Variants in AKIRIN2 observed in about 807,000 individuals in gnomAD.
AKIRIN2 encodes the protein akirin-2.
In AKIRIN2, 6 loss-of-function variants were observed where a neutral mutation model predicts 29.3. The ratio of observed to expected loss-of-function variants is 0.20; its 90% CI spans 0.11 to 0.40. AKIRIN2 has a LOEUF of 0.40. Among genes scored for constraint, AKIRIN2 ranks in the 10% least tolerant of loss-of-function variants. AKIRIN2 has a pLI of 1.00. For missense variants in AKIRIN2, 210 were observed against 276.1 expected, an observed-to-expected ratio of 0.76 and a Z score of 1.70; for synonymous variants, 128 against 117.5, an observed-to-expected ratio of 1.09 and a Z score of -0.58.
At chr6:87,690,332 A>G (rs1255035062) in intron 1 of AKIRIN2, among the ~76,000 whole-genome samples, 1 of 152,256 alleles carries the variant, frequency 6.6e-6, no homozygotes, top group Non-Finnish European at 1.5e-5. Flanking sequence ...CAGCAAGGTT[A>G]TTACAAGTAG....
intron 1 of AKIRIN2, among the ~76,000 whole-genome samples, chr6:87,691,303 T>C (rs1253491199): frequency 6.6e-6 from 1 of 151,776 alleles, no homozygotes; most frequent in Non-Finnish European, 1.5e-5. Context: ...TAGCCGGGCA[T>C]GGTGATACAC....
chr6:87,678,023 G>A, intron 2 of AKIRIN2, 56 bp from the exon 3 acceptor site: 1 of 1,481,372 alleles, frequency 6.8e-7, no homozygotes, highest in Non-Finnish European at 9.1e-7. Context: ...ATATAAAGCA[G>A]TTTCTAAATG....
At position 87,702,217 on chromosome 6, in the gene AKIRIN2, C is replaced by G; in HGVS notation, c.-533G>C. 1 of 397,472 alleles carries G rather than the reference C, an allele frequency of 2.5e-6. No individual in the cohort carries two copies. The highest frequency in any genetic ancestry group is 4.4e-6 in the Non-Finnish European group (1 of 225,698). The allele number at this position is 397,472 out of a possible 1,614,324, so 24.6% of individuals were successfully genotyped here. ...AAGCGAACACGTCCAACCGCTTCCC[C>G]TCCCTCGTAGAACTCTCCCACCCGC... is the stretch of plus-strand genomic sequence containing the variant. On this transcript the variant is annotated 5_prime_UTR_variant, in exon 1 of 5. Coordinates refer to ENST00000257787, the MANE Select transcript of AKIRIN2 (RefSeq NM_018064.4).
At chr6:87,687,046 A>G in intron 1 of AKIRIN2, among the ~76,000 whole-genome samples, 1 of 143,662 alleles carries the variant, frequency 7.0e-6, no homozygotes, top group Non-Finnish European at 1.5e-5. Flanking sequence ...CTTAGACTCA[A>G]AAAAAAAAAA....
At chr6:87,688,007 C>G (rs1010281122) in intron 1 of AKIRIN2, among the ~76,000 whole-genome samples, 1 of 152,200 alleles carries the variant, frequency 6.6e-6, no homozygotes, top group Admixed American at 6.5e-5. Context: ...GTGGCTTGCC[C>G]TTTAGTCCCC....
intron 1 of AKIRIN2, among the ~76,000 whole-genome samples, chr6:87,683,895 AC>A (rs1771151546): frequency 6.6e-6 from 1 of 151,964 alleles, no homozygotes; most frequent in Admixed American, 6.6e-5. Flanking sequence ...CAGGTGTTCC[AC>A]CCTCCTCGGT....
At chr6:87,695,131 T>C (rs975480309) in intron 1 of AKIRIN2, among the ~76,000 whole-genome samples, 5 of 152,322 alleles carry the variant, frequency 3.3e-5, no homozygotes, top group East Asian at 1.9e-4. Flanking sequence ...TACCTGATAA[T>C]AGAAAAATTC....
chr6:87,687,263 C>A (rs1771202506), intron 1 of AKIRIN2, among the ~76,000 whole-genome samples: 1 of 148,330 alleles, frequency 6.7e-6, no homozygotes, highest in African/African-American at 2.5e-5. Context: ...ACAACTTGGG[C>A]AGGGCGTGGT....
At chr6:87,676,922 A>C (rs533403626) in intron 3 of AKIRIN2, among the ~76,000 whole-genome samples, 1 of 151,712 alleles carries the variant, frequency 6.6e-6, no homozygotes, top group South Asian at 2.1e-4. Flanking sequence ...TAAAAATACA[A>C]GAAAATTAGC....
At chr6:87,696,832 C>G (rs1340749361) in intron 1 of AKIRIN2, among the ~76,000 whole-genome samples, 6 of 151,882 alleles carry the variant, frequency 4.0e-5, no homozygotes, top group Non-Finnish European at 7.4e-5. Flanking sequence ...ATGGTGAAAC[C>G]CCATCTCTTC....
intron 1 of AKIRIN2, 138 bp downstream of exon 1, chr6:87,701,312 A>T: frequency 2.5e-6 from 2 of 795,440 alleles, no homozygotes; most frequent in Non-Finnish European, 3.7e-6. Context: ...CTAGTGAAAA[A>T]CGTGGCTGCC....
At chr6:87,685,464 C>T (rs1470685158) in intron 1 of AKIRIN2, among the ~76,000 whole-genome samples, 1 of 152,198 alleles carries the variant, frequency 6.6e-6, no homozygotes, top group Admixed American at 6.5e-5. Context: ...ATCTGGCCAT[C>T]TCTTATCATA....
chr6:87,700,451 A>G (rs1215336147), intron 1 of AKIRIN2: 1 of 152,230 alleles, frequency 6.6e-6, no homozygotes, highest in East Asian at 1.9e-4. Context: ...CACAAAGGAA[A>G]CATTTACACT....
intron 3 of AKIRIN2, among the ~76,000 whole-genome samples, chr6:87,677,282 A>C (rs975899154): frequency 2.0e-5 from 3 of 152,212 alleles, no homozygotes; most frequent in Admixed American, 1.3e-4. Context: ...TCTTCTCTAC[A>C]TTAACACCTC....
chr6:87,687,044 CA>C (rs10652176), intron 1 of AKIRIN2, among the ~76,000 whole-genome samples: 955 of 67,408 alleles, frequency 0.014, 1 homozygote, highest in African/African-American at 0.033. Context: ...GACTTAGACT[CA>C]AAAAAAAAAA....
chr6:87,689,883 A>T (rs1771251623), intron 1 of AKIRIN2, among the ~76,000 whole-genome samples: 3 of 152,150 alleles, frequency 2.0e-5, no homozygotes. Context: ...ATCTGGAACT[A>T]TGCGTATTTA....
In AKIRIN2 at chr6:87,677,958, G is replaced by A; in HGVS notation, c.389C>T (p.Ser130Phe). ...TTTTTTTAATGGTGAGGATGCTGCAGATGAAGTCCCTATGTACAATGAGGA... is the reference window on the plus strand; with the variant it reads ...TTTTTTTAATGGTGAGGATGCTGCAAATGAAGTCCCTATGTACAATGAGGA... The part of the protein sequence containing the change: ...LSGPASPGTS[S>F]AASSPLKKEQ... The change falls in exon 3 of 5, where the codon TCT (serine) becomes TTT (phenylalanine). Residue 130 changes from serine to phenylalanine, a missense_variant. Physicochemically the swap from Ser to Phe is radical, Grantham distance 155. Coordinates refer to ENST00000257787, the MANE Select transcript of AKIRIN2 (RefSeq NM_018064.4). 6.2e-7 allele frequency: 1 copy of A among 1,613,662 alleles called. No individual in the cohort carries two copies. The highest frequency in any genetic ancestry group is 1.1e-5 in the South Asian group (1 of 91,024).
At chr6:87,686,983 T>C (rs1771198196) in intron 1 of AKIRIN2, among the ~76,000 whole-genome samples, 1 of 148,246 alleles carries the variant, frequency 6.7e-6, no homozygotes, top group South Asian at 2.2e-4. Context: ...GAGGTGAAGG[T>C]TGCAGTGAAC....
chr6:87,676,861 G>C (rs1247901073), intron 3 of AKIRIN2, among the ~76,000 whole-genome samples: 1 of 151,710 alleles, frequency 6.6e-6, no homozygotes, highest in East Asian at 1.9e-4. Context: ...CAGATCACGA[G>C]GTCAGGAGAT....
Sources: allele counts gnomAD v4.1 joint callset (sites outside exome capture counted in the v4.1 genomes callset), GRCh38; gene constraint gnomAD v4.1.1; transcripts MANE v1.5; gene names NCBI Gene and HGNC (gene_info 2026-07-23, HGNC 2026-07-21).